Variants in LINGO2 observed in about 807,000 individuals in gnomAD.
LINGO2 encodes leucine-rich repeat and immunoglobulin-like domain-containing nogo receptor-interacting protein 2.
A neutral mutation model predicts 30.6 loss-of-function variants in LINGO2; 14 were observed. The observed-to-expected ratio is 0.46, with a 90% CI of 0.30 to 0.72. The LOEUF (loss-of-function observed/expected upper bound fraction) is 0.72. Among genes scored for constraint, LINGO2 ranks in the 30% least tolerant of loss-of-function variants. The probability of loss-of-function intolerance (pLI) is 0.07; values close to 1 mark genes in which losing one functional copy is unlikely to be tolerated. For synonymous variants in LINGO2, 317 were observed against 288.5 expected, an observed-to-expected ratio of 1.10 and a Z score of -1.00; for missense variants, 729 against 751.7, an observed-to-expected ratio of 0.97 and a Z score of 0.35.
At chr9:28,442,779 T>TTATA (rs149764224) in intron 2 of LINGO2, among the ~76,000 whole-genome samples, 1,901 of 151,600 alleles carry the variant, frequency 0.013, 34 homozygotes, top group African/African-American at 0.043. Flanking sequence ...CCTGTGACAG[T>TTATA]TATATATATA....
intron 2 of LINGO2, among the ~76,000 whole-genome samples, chr9:28,474,975 T>G (rs1256924170): frequency 6.6e-6 from 1 of 152,190 alleles, no homozygotes; most frequent in Non-Finnish European, 1.5e-5. Context: ...TCATTTTTTC[T>G]AGCAAGTTTT....
the LINGO2 span, among the ~76,000 whole-genome samples, chr9:28,800,061 T>A: frequency 6.6e-6 from 1 of 152,256 alleles, no homozygotes; most frequent in African/African-American, 2.4e-5. Flanking sequence ...GTATTTGACA[T>A]GTTGATGCTT....
At chr9:28,558,948 G>A (rs147157726) in intron 1 of LINGO2, among the ~76,000 whole-genome samples, 1 of 151,914 alleles carries the variant, frequency 6.6e-6, no homozygotes, top group East Asian at 1.9e-4. Context: ...CCCAAATAAA[G>A]AGATTTAGAG....
At chr9:28,790,325 C>CTTTTTTTTTTTTTTTTTT in the LINGO2 span, among the ~76,000 whole-genome samples, 124 of 106,270 alleles carry the variant, frequency 1.2e-3, no homozygotes, top group African/African-American at 1.6e-3. Flanking sequence ...TCTTTTCTTT[C>CTTTTTTTTTTTTTTTTTT]TTTTTTTTTT....
At chr9:28,290,941 C>G (rs371959566) in intron 4 of LINGO2, among the ~76,000 whole-genome samples, 24 of 152,238 alleles carry the variant, frequency 1.6e-4, no homozygotes, top group African/African-American at 5.8e-4. Flanking sequence ...CCCAGCAGCT[C>G]TCAACCAATG....
intron 4 of LINGO2, among the ~76,000 whole-genome samples, chr9:28,168,862 TG>T (rs1828505183): frequency 6.6e-6 from 1 of 152,256 alleles, no homozygotes; most frequent in African/African-American, 2.4e-5. Context: ...CAAAAGGCAC[TG>T]GAATTACTAT....
At chr9:29,139,349 T>C in the LINGO2 span, among the ~76,000 whole-genome samples, 105 of 152,304 alleles carry the variant, frequency 6.9e-4, no homozygotes, top group African/African-American at 2.4e-3. Flanking sequence ...TCTGGGATAG[T>C]AAGCATAATT....
In LINGO2 at chr9:28,129,590, A is replaced by C. The variant is rs1827328208; in HGVS notation, c.-86-117185T>G. On this transcript the variant is annotated intron_variant, in intron 4 of 5. Transcript: ENST00000379992. This position sits in a 1 kb window ranked among gnomAD's most constrained non-coding sequence, Gnocchi z 4.0. ...TGACTCTTCCCAACTCACTTGACCT[A>C]TCTGCCTGTACGTAAGTAGCTAAAA... The C allele has an allele frequency of 6.6e-6, 1 of 152,162 alleles. No individual in the cohort carries two copies. The highest frequency in any genetic ancestry group is 6.5e-5 in the Admixed American group (1 of 15,270). The allele number at this position is 152,162 out of a possible 1,614,324, so 9.4% of individuals were successfully genotyped here.
intron 2 of LINGO2, among the ~76,000 whole-genome samples, chr9:28,407,522 C>A (rs1451370642): frequency 6.6e-6 from 1 of 152,134 alleles, no homozygotes; most frequent in African/African-American, 2.4e-5. Context: ...TTCTGGTTAT[C>A]ACAGAGGAGA....
At chr9:28,453,959 G>A (rs1332755135) in intron 2 of LINGO2, among the ~76,000 whole-genome samples, 1 of 152,042 alleles carries the variant, frequency 6.6e-6, no homozygotes, top group Non-Finnish European at 1.5e-5. Context: ...CTGCCTTGCA[G>A]TCTGTCTGCA....
chr9:28,133,167 CAA>C (rs1382848618), intron 4 of LINGO2, among the ~76,000 whole-genome samples: 3 of 151,946 alleles, frequency 2.0e-5, no homozygotes, highest in Admixed American at 6.6e-5. Flanking sequence ...GTCCTATTCA[CAA>C]GTAAACTTTG....
At chr9:28,467,026 C>CT (rs71502447) in intron 2 of LINGO2, among the ~76,000 whole-genome samples, 81 of 140,596 alleles carry the variant, frequency 5.8e-4, no homozygotes, top group African/African-American at 1.8e-3. Flanking sequence ...AGCTGACTCT[C>CT]TTTTTTTTTG....
chr9:28,144,886 CA>C (rs1827770968), intron 4 of LINGO2, among the ~76,000 whole-genome samples: 2 of 152,168 alleles, frequency 1.3e-5, no homozygotes, highest in African/African-American at 4.8e-5. Flanking sequence ...ATCCCAGTTA[CA>C]AAAACTGGAT....
chr9:28,280,840 A>C (rs1305640408), intron 4 of LINGO2, among the ~76,000 whole-genome samples: 2 of 152,078 alleles, frequency 1.3e-5, no homozygotes, highest in East Asian at 3.9e-4. Flanking sequence ...CTTCTGCAAA[A>C]AGTTTTCTAT....
At chr9:28,916,499 T>TC in the LINGO2 span, among the ~76,000 whole-genome samples, 17,130 of 152,168 alleles carry the variant, frequency 0.11, 959 homozygotes, top group South Asian at 0.16. Flanking sequence ...AAACACTCCC[T>TC]CCTTCTATTG....
At chr9:27,984,588 C>A (rs1269823603) in intron 5 of LINGO2, among the ~76,000 whole-genome samples, 2 of 151,702 alleles carry the variant, frequency 1.3e-5, no homozygotes, top group Non-Finnish European at 2.9e-5. Flanking sequence ...CTTTTATGGG[C>A]TAAGGAGATG....
At chr9:28,598,372 T>C (rs1825292687) in intron 1 of LINGO2, among the ~76,000 whole-genome samples, 2 of 129,088 alleles carry the variant, frequency 1.5e-5, no homozygotes, top group Admixed American at 8.2e-5. Flanking sequence ...TGTATATCAA[T>C]AAAGGAGTGT....
chr9:28,984,047 A>G, the LINGO2 span, among the ~76,000 whole-genome samples: 1 of 152,014 alleles, frequency 6.6e-6, no homozygotes, highest in African/African-American at 2.4e-5. Context: ...AAGCTTTTTT[A>G]AAAAGGCATA....
At chr9:28,222,288 G>A (rs1820993297) in intron 4 of LINGO2, among the ~76,000 whole-genome samples, 5 of 152,088 alleles carry the variant, frequency 3.3e-5, no homozygotes, top group Non-Finnish European at 1.5e-5. Context: ...TGGTATAAGT[G>A]TAATTTAAAT....
Sources: allele counts gnomAD v4.1 joint callset (sites outside exome capture counted in the v4.1 genomes callset), GRCh38; gene constraint gnomAD v4.1.1; non-coding constraint Gnocchi (gnomAD v3.1); transcripts MANE v1.5; gene names NCBI Gene and HGNC (gene_info 2026-07-23, HGNC 2026-07-21).